KDM1A: variants seen among roughly 807,000 people sequenced by gnomAD.
KDM1A encodes lysine demethylase 1A.
Under a neutral mutation model 109.4 loss-of-function variants are expected in KDM1A, and 49 were observed. The ratio of observed to expected loss-of-function variants is 0.45; its 90% CI spans 0.36 to 0.57. The LOEUF is 0.57. Ranked by LOEUF, KDM1A falls within the 20% of genes least tolerant of loss-of-function variation. The probability of loss-of-function intolerance (pLI) is 0.00; values close to 1 mark genes in which losing one functional copy is unlikely to be tolerated. For missense variants in KDM1A, 668 were observed against 1,116.6 expected (o/e 0.60, Z 5.73); for synonymous variants, 380 against 415.4 (o/e 0.91, Z 1.04).
chr1:23,049,851 A>G (rs1475860205), intron 3 of KDM1A, among the ~76,000 whole-genome samples: 2 of 152,088 alleles, frequency 1.3e-5, no homozygotes, highest in Non-Finnish European at 2.9e-5. Context: ...CTTCTGTCTT[A>G]TTGTTGTCTG....
chr1:23,037,289 G>GTTT (rs1483397886), intron 2 of KDM1A, among the ~76,000 whole-genome samples: 1 of 145,270 alleles, frequency 6.9e-6, no homozygotes, highest in African/African-American at 2.6e-5. Flanking sequence ...GGGTGATAGA[G>GTTT]TGAGACCCTG....
intron 5 of KDM1A, 82 bp downstream of exon 5, chr1:23,053,921 ATAAT>A: frequency 1.3e-6 from 1 of 760,430 alleles, no homozygotes; most frequent in Non-Finnish European, 2.3e-6. Context: ...TGGTTCCTTG[ATAAT>A]TAATTTTTTC....
At chr1:23,072,022 C>A in intron 13 of KDM1A, 102 bp from the exon 14 acceptor site, 2 of 724,704 alleles carry the variant, frequency 2.8e-6, no homozygotes, top group Non-Finnish European at 4.7e-6. Flanking sequence ...TGTACATGAT[C>A]TGAAGAGGAA....
intron 2 of KDM1A, among the ~76,000 whole-genome samples, chr1:23,032,324 T>C (rs1642008617): frequency 6.6e-6 from 1 of 152,052 alleles, no homozygotes; most frequent in Non-Finnish European, 1.5e-5. Context: ...TTTTAAACCA[T>C]GTGTTGGTGT....
Position 23,079,568 on chromosome 1 carries a change from G to C in KDM1A, c.2071G>C (p.Asp691His). 1 of 1,613,762 alleles carries C rather than the reference G, an allele frequency of 6.2e-7. No homozygotes were observed. The highest frequency in any genetic ancestry group is 8.5e-7 in the Non-Finnish European group (1 of 1,179,860). Residue 691 changes from aspartate (D) to histidine (H), a missense_variant, in exon 18 of 21, where the codon GAT becomes CAT. Physicochemically the swap from Asp to His is moderately conservative, Grantham distance 81. This residue lies in a region of KDM1A where 162 missense variants were observed against 376.4 expected (regional missense o/e 0.43). Coordinates refer to ENST00000400181, the MANE Select transcript of KDM1A (RefSeq NM_001009999.3). This position sits in a 1 kb window ranked among gnomAD's most constrained non-coding sequence, Gnocchi z 5.6. ...GNLNKVVLCF[D>H]RVFWDPSVNL... ...CTTATGGTAGGTGGTGTTGTGTTTT[G>C]ATCGGGTGTTCTGGGATCCAAGTGT... is the stretch of plus-strand genomic sequence containing the variant.
At chr1:23,057,643 T>C in intron 8 of KDM1A, 78 bp downstream of exon 8, 1 of 1,033,274 alleles carries the variant, frequency 9.7e-7, no homozygotes, top group East Asian at 2.4e-5. Context: ...AGATGCTATT[T>C]TAAAATGTAT....
intron 2 of KDM1A, among the ~76,000 whole-genome samples, chr1:23,032,876 G>A (rs1358274671): frequency 6.6e-6 from 1 of 152,144 alleles, no homozygotes; most frequent in Non-Finnish European, 1.5e-5. Context: ...TATATTAAAA[G>A]CTTGAGAGAA....
intron 19 of KDM1A, 173 bp downstream of exon 19, chr1:23,081,746 CCCAGGA>C: frequency 2.7e-6 from 2 of 732,022 alleles, no homozygotes; most frequent in South Asian, 4.4e-5. Context: ...CAGAAAACCC[CCCAGGA>C]CAAGAGCTGG....
At chr1:23,044,629 T>A in intron 3 of KDM1A, 143 bp downstream of exon 3, 1 of 651,430 alleles carries the variant, frequency 1.5e-6, no homozygotes, top group Non-Finnish European at 2.6e-6. Context: ...AATAGTATAG[T>A]AGGAGAGAGT....
chr1:23,083,640 GGT>G lies in KDM1A; in HGVS notation c.*277_*278del. The G allele has an allele frequency of 7.1e-6, 2 of 283,066 alleles. No individual in the cohort carries two copies. Among genetic ancestry groups the G allele is most frequent in the Non-Finnish European group, 1.3e-5 (2 of 154,928 alleles). 17.5% of individuals were successfully genotyped at this position (283,066 alleles called of 1,614,324 possible). A position where few individuals can be genotyped will look rare whatever the true frequency, so the allele number is the denominator to read the frequency against. On this transcript the variant is annotated 3_prime_UTR_variant, in exon 21 of 21. Transcript: ENST00000400181. ...ATCATCTTAGTCCCTTGGTGTGTGG[GGT>G]TTTTGTTTTTTTTTTATATTTTGAG...
intron 12 of KDM1A, among the ~76,000 whole-genome samples, chr1:23,069,793 T>C (rs1643265635): frequency 2.0e-5 from 3 of 152,244 alleles, no homozygotes; most frequent in South Asian, 4.1e-4. Flanking sequence ...GTTAGGGCTC[T>C]TCTCTGCCAC....
rs767315288 is a variant in KDM1A at position 23,079,763 on chromosome 1, CT to C, written c.2170+97del. On this transcript the variant is annotated intron_variant, in intron 18 of 20. Transcript: ENST00000400181. This position sits in a 1 kb window ranked among gnomAD's most constrained non-coding sequence, Gnocchi z 5.6. ...TCTCAATATATATGCCTTAATTTCT[CT>C]CTTTATTAACTCAACAAACAATTCC... 1.5e-6 allele frequency: 1 copy of C among 684,152 alleles called. No individual in the cohort carries two copies. Among genetic ancestry groups the C allele is most frequent in the Non-Finnish European group, 2.4e-6 (1 of 420,024 alleles). 42.4% of individuals were successfully genotyped at this position (684,152 alleles called of 1,614,324 possible).
At chr1:23,027,503 C>A (rs1248852972) in intron 1 of KDM1A, among the ~76,000 whole-genome samples, 3 of 124,316 alleles carry the variant, frequency 2.4e-5, no homozygotes, top group African/African-American at 4.5e-5. Flanking sequence ...TAGCCTTGAC[C>A]CCCCCCCGCC....
At chr1:23,073,153 CT>C in intron 14 of KDM1A, 138 bp from the exon 15 acceptor site, 1 of 558,056 alleles carries the variant, frequency 1.8e-6, no homozygotes, top group South Asian at 2.7e-5. Context: ...AGATAAGATG[CT>C]ACTTTTTGAT....
At chr1:23,055,733 C>T (rs145749600) in intron 6 of KDM1A, among the ~76,000 whole-genome samples, 199 bp from the exon 7 acceptor site, 216 of 152,126 alleles carry the variant, frequency 1.4e-3, no homozygotes, top group Non-Finnish European at 7.2e-4. Context: ...TATAAATGTT[C>T]GACACTGAAT....
intron 9 of KDM1A, among the ~76,000 whole-genome samples, chr1:23,060,980 A>T (rs1288288296): frequency 6.6e-6 from 1 of 152,222 alleles, no homozygotes; most frequent in Non-Finnish European, 1.5e-5. Context: ...TTGAGACGCC[A>T]TCTTTTTCTT....
Position 23,056,003 on chromosome 1 carries a change from A to G in KDM1A, c.955A>G (p.Ser319Gly), listed in dbSNP as rs1047282041. The change falls in exon 7 of 21, where the codon AGT becomes GGT. Residue 319 changes from serine (S) to glycine (G), a missense_variant. Ser to Gly is a moderately conservative substitution (Grantham distance 56). Transcript: ENST00000400181. ...SGLAAARQLQ[S>G]FGMDVTLLEA... ...CTTGGCAGCAGCTCGACAGTTACAA[A>G]GTTTTGGAATGGATGTCACACTTTT... 2 of 1,613,068 alleles carry G rather than the reference A, an allele frequency of 1.2e-6. No individual in the cohort carries two copies. Among genetic ancestry groups the G allele is most frequent in the African/African-American group, 2.7e-5 (2 of 75,006 alleles).
chr1:23,082,582 A>G (rs966299993), intron 20 of KDM1A: 3 of 430,438 alleles, frequency 7.0e-6, no homozygotes, highest in Admixed American at 3.9e-5. Context: ...AGGAGTCCAG[A>G]GTATAAGTCA....
rs767499277 is a variant in KDM1A, at chr1:23,083,405, C to T, written c.*41C>T. The T allele has an allele frequency of 6.4e-6, 10 of 1,568,012 alleles. No homozygotes were observed. In the Admixed American group the frequency reaches 1.7e-4, roughly 27 times the overall value. ...AGGGAAGAGGCCCATGTGCCTGTTTCTGCCATGTAAGGAAGGCTCTTCTAG... is the reference window on the plus strand; with the variant it reads ...AGGGAAGAGGCCCATGTGCCTGTTTTTGCCATGTAAGGAAGGCTCTTCTAG... On this transcript the variant is annotated 3_prime_UTR_variant, in exon 21 of 21. Coordinates refer to ENST00000400181, the MANE Select transcript of KDM1A (RefSeq NM_001009999.3).
Sources: gnomAD v4.1 joint callset for allele counts (sites outside exome capture counted in the v4.1 genomes callset) on GRCh38, gnomAD v4.1.1 for gene constraint, gnomAD v4.1.1 regional missense constraint, Gnocchi (gnomAD v3.1) non-coding constraint, MANE v1.5 for transcripts, NCBI Gene and HGNC (gene_info 2026-07-23, HGNC 2026-07-21) for gene names.